Variants in AGAP4 observed in about 807,000 individuals in gnomAD.
AGAP4 encodes the protein ArfGAP with GTPase domain, ankyrin repeat and PH domain 4.
AGAP4 carries 13 observed loss-of-function variants against 60.7 expected under a neutral mutation model. That is an observed-to-expected ratio of 0.21 (90% CI 0.14 to 0.34). The LOEUF is 0.34. AGAP4 is among the 10% of genes least tolerant of loss of function. AGAP4 has a pLI of 1.00. For synonymous variants in AGAP4, 70 were observed against 339.0 expected (o/e 0.21, Z 8.72); for missense variants, 169 against 884.0 (o/e 0.19, Z 10.26).
upstream of AGAP4, chr10:45,854,683 A>G (rs2059121014): frequency 6.6e-6 from 1 of 151,750 alleles, no homozygotes; most frequent in South Asian, 2.1e-4. Context: ...GAGACAGAGA[A>G]TAAACAACCC....
chr10:45,851,175 C>T (rs1455140501), upstream of AGAP4, among the ~76,000 whole-genome samples: 944 of 151,778 alleles, frequency 6.2e-3, 20 homozygotes, highest in East Asian at 0.067. Context: ...GGTGACTGCC[C>T]TGAGAAGCTG....
At chr10:45,838,728 G>T (rs1258142907) in intron 4 of AGAP4, among the ~76,000 whole-genome samples, 1 of 151,328 alleles carries the variant, frequency 6.6e-6, no homozygotes, top group Non-Finnish European at 1.5e-5. Flanking sequence ...ATGCCACCAG[G>T]CCTGGCTAAT....
At chr10:45,837,098 C>T (rs1472689290) in intron 4 of AGAP4, among the ~76,000 whole-genome samples, 1 of 139,728 alleles carries the variant, frequency 7.2e-6, no homozygotes, top group Non-Finnish European at 1.6e-5. Flanking sequence ...AACTCCTGAC[C>T]TCATGATCCG....
chr10:45,851,487 GT>G (rs2059083444), upstream of AGAP4, among the ~76,000 whole-genome samples: 23 of 151,096 alleles, frequency 1.5e-4, no homozygotes, highest in African/African-American at 5.6e-4. Context: ...GATTGGGCTT[GT>G]GTGTGTGTGT....
In AGAP4 at chr10:45,853,800, T is replaced by G; in HGVS notation, n.76A>C. 3 of 1,287,402 alleles carry G rather than the reference T, an allele frequency of 2.3e-6. No individual in the cohort carries two copies. In the East Asian group the frequency reaches 1.7e-4, roughly 72 times the overall value. 79.7% of individuals were successfully genotyped at this position (1,287,402 alleles called of 1,614,324 possible). A position where few individuals can be genotyped will look rare whatever the true frequency, so the allele number is the denominator to read the frequency against. On this transcript the variant is annotated non_coding_transcript_exon_variant, in exon 1 of 10. Transcript: ENST00000430779. ...GTTTGTGAAGGCATCTTAGACAAGA[T>G]CTTGTCTTTGCTGGTTTTATGATCC...
intron 3 of AGAP4, among the ~76,000 whole-genome samples, chr10:45,843,977 A>C (rs2135960015): frequency 6.7e-6 from 1 of 149,996 alleles, no homozygotes; most frequent in South Asian, 2.1e-4. Context: ...TCATCTTTAA[A>C]ATGTACTTTT....
intron 6 of AGAP4, among the ~76,000 whole-genome samples, chr10:45,830,100 C>G (rs1184326173): frequency 1.8e-4 from 27 of 149,050 alleles, no homozygotes; most frequent in Admixed American, 1.1e-3. Context: ...CAAATACCCA[C>G]AACTGTCTGA....
chr10:45,846,864 C>T, intron 1 of AGAP4, 109 bp from the exon 2 acceptor site: 1 of 725,146 alleles, frequency 1.4e-6, no homozygotes, highest in Admixed American at 2.9e-5. Flanking sequence ...TAAATGGTCC[C>T]ATGCCAGCCT....
At chr10:45,850,807 G>A (rs2059074351), upstream of AGAP4, among the ~76,000 whole-genome samples, 9 of 151,844 alleles carry the variant, frequency 5.9e-5, no homozygotes, top group South Asian at 1.9e-3. Context: ...AGAGAAATAG[G>A]TAAGGAGGAA....
chr10:45,847,505 C>A (rs1156747522), upstream of AGAP4: 50 of 1,524,532 alleles, frequency 3.3e-5, 2 homozygotes, highest in African/African-American at 3.8e-4. Flanking sequence ...CCAGCCCTGG[C>A]CCTGGCCCTG....
intron 6 of AGAP4, among the ~76,000 whole-genome samples, chr10:45,830,172 CTTCT>C (rs1180515300): frequency 6.7e-6 from 1 of 149,306 alleles, no homozygotes; most frequent in Non-Finnish European, 1.5e-5. Flanking sequence ...CATCTTATTG[CTTCT>C]TTTTTTCTTT....
In AGAP4 at chr10:45,844,665, TAA is replaced by T. The variant is rs1299137211; in HGVS notation, c.293-273_293-272del. Among the ~76,000 whole-genome samples the T allele has an allele frequency of 8.0e-3, 719 of 90,004 alleles. 7 individuals are homozygous for T. Among genetic ancestry groups the T allele is most frequent in the African/African-American group, 0.016 (360 of 23,052 alleles). The allele number at this position is 90,004 out of a possible 152,430, so 59.0% of individuals were successfully genotyped here. The stretch of plus-strand genomic sequence containing the variant: ...TAACATAATGACACCCTCCTTTATT[TAA>T]AAAAAAAAAAAAAAAGAAGAGGTAA... On this transcript the variant is annotated intron_variant, in intron 2 of 7. Coordinates refer to ENST00000616763, the MANE Select transcript of AGAP4 (RefSeq NM_001276343.3).
intron 1 of AGAP4, 150 bp downstream of exon 1, chr10:45,846,975 G>A (rs1161186998): frequency 8.8e-6 from 14 of 1,591,954 alleles, no homozygotes; most frequent in African/African-American, 2.7e-5. Context: ...GGGAATTCAA[G>A]GCAGAGCCAG....
chr10:45,849,579 T>C (rs1424405581), upstream of AGAP4, among the ~76,000 whole-genome samples: 19 of 151,220 alleles, frequency 1.3e-4, no homozygotes, highest in African/African-American at 4.4e-4. Flanking sequence ...TGTAGATGTA[T>C]AGAAATACAA....
At chr10:45,848,108 G>A (rs1413048825), upstream of AGAP4, among the ~76,000 whole-genome samples, 3 of 149,520 alleles carry the variant, frequency 2.0e-5, no homozygotes, top group Non-Finnish European at 4.4e-5. Flanking sequence ...GACTGCTTTT[G>A]TAACTAAACA....
In AGAP4 at chr10:45,826,597, C is replaced by A; in HGVS notation, c.1379G>T (p.Ser460Ile). The change falls in exon 8 of 8, where the codon AGC (serine) becomes ATC (isoleucine). Residue 460 changes from serine (S) to isoleucine (I), a missense_variant. Coordinates refer to ENST00000616763, the MANE Select transcript of AGAP4 (RefSeq NM_001276343.3). Reference sequence around the variant, plus strand: ...CTGCAGGGCCATGGCCTTGCTCTGGCTGGTCAGCTGGGACTTGCTTTTACT... The same window carrying A: ...CTGCAGGGCCATGGCCTTGCTCTGGATGGTCAGCTGGGACTTGCTTTTACT... Reference protein sequence around the residue: ...ESSKSKSQLTSQSKAMALQSI... With the variant: ...ESSKSKSQLTIQSKAMALQSI... 7.2e-7 allele frequency: 1 copy of A among 1,395,778 alleles called. No individual in the cohort carries two copies. The allele number at this position is 1,395,778 out of a possible 1,614,324, so 86.5% of individuals were successfully genotyped here.
At chr10:45,828,639 G>A (rs1282415234) in intron 6 of AGAP4, among the ~76,000 whole-genome samples, 6 of 144,984 alleles carry the variant, frequency 4.1e-5, no homozygotes, top group African/African-American at 1.3e-4. Flanking sequence ...TGGACCTCTC[G>A]GGATCCCGAA....
chr10:45,848,886 A>AC (rs1491357771), upstream of AGAP4: 5 of 150,324 alleles, frequency 3.3e-5, no homozygotes, highest in African/African-American at 1.2e-4. Context: ...GTGGCCGCAC[A>AC]GAGAGTGGGA....
chr10:45,850,192 G>A (rs1204843969), upstream of AGAP4, among the ~76,000 whole-genome samples: 51 of 151,034 alleles, frequency 3.4e-4, no homozygotes, highest in African/African-American at 1.1e-3. Context: ...GCCTCCCAAA[G>A]TGCTGGGATT....
Sources: gnomAD v4.1 joint callset for allele counts (sites outside exome capture counted in the v4.1 genomes callset) on GRCh38, gnomAD v4.1.1 for gene constraint, MANE v1.5 for transcripts, NCBI Gene and HGNC (gene_info 2026-07-23, HGNC 2026-07-21) for gene names.